EMCN: variants seen among roughly 807,000 people sequenced by gnomAD.
EMCN encodes the protein endomucin.
In EMCN, 37 loss-of-function variants were observed where a neutral mutation model predicts 38.4. The ratio of observed to expected loss-of-function variants is 0.96; its 90% CI spans 0.74 to 1.27. The LOEUF (loss-of-function observed/expected upper bound fraction) is 1.27. EMCN is among the 50% of genes most tolerant of loss of function. The probability of loss-of-function intolerance (pLI) is 0.00; values close to 1 mark genes in which losing one functional copy is unlikely to be tolerated. For synonymous variants in EMCN, 95 were observed against 100.8 expected, an observed-to-expected ratio of 0.94 and a Z score of 0.35; for missense variants, 318 against 302.8, an observed-to-expected ratio of 1.05 and a Z score of -0.37.
At chr4:100,413,329 G>A (rs1726617453) in intron 10 of EMCN, among the ~76,000 whole-genome samples, 1 of 151,698 alleles carries the variant, frequency 6.6e-6, no homozygotes, top group Non-Finnish European at 1.5e-5. Context: ...GAAAAATTGA[G>A]TTAAGCTTGT....
chr4:100,409,977 G>A (rs1175179260), intron 11 of EMCN, among the ~76,000 whole-genome samples: 2 of 152,236 alleles, frequency 1.3e-5, no homozygotes, highest in Admixed American at 6.5e-5. Context: ...CAGTTAGTGT[G>A]TGCTTACTGA....
chr4:100,415,043 G>A (rs1390072583), intron 10 of EMCN, among the ~76,000 whole-genome samples: 1 of 152,018 alleles, frequency 6.6e-6, no homozygotes, highest in Non-Finnish European at 1.5e-5. Flanking sequence ...TTACAGGCAT[G>A]CGCCACCATG....
intron 7 of EMCN, among the ~76,000 whole-genome samples, chr4:100,422,286 A>C (rs1726909774): frequency 6.6e-6 from 1 of 152,082 alleles, no homozygotes; most frequent in Admixed American, 6.6e-5. Context: ...ACCTTAGGTG[A>C]AATCATTATT....
intron 8 of EMCN, among the ~76,000 whole-genome samples, chr4:100,419,427 G>T (rs779356960): frequency 1.1e-4 from 17 of 152,116 alleles, no homozygotes; most frequent in Non-Finnish European, 2.5e-4. Context: ...TTGTACAATT[G>T]CCAAACTTGA....
intron 1 of EMCN, among the ~76,000 whole-genome samples, chr4:100,495,174 T>C (rs1336658188): frequency 6.6e-6 from 1 of 152,026 alleles, no homozygotes; most frequent in African/African-American, 2.4e-5. Flanking sequence ...TCAACATATT[T>C]TATATTAAAG....
rs548285071 is a variant in EMCN at position 100,497,566 on chromosome 4, C to T, written c.65-17527G>A. 1.4e-3 allele frequency among the ~76,000 whole-genome samples: 206 copies of T among 152,024 alleles called. 1 individual carries two copies. The highest frequency in any genetic ancestry group is 4.6e-3 in the African/African-American group (191 of 41,472). On this transcript the variant is annotated intron_variant, in intron 1 of 11. Transcript: ENST00000296420. ...TAATTTTTTTGTATTTTTAGTAAAG[C>T]CGGGTTTCACCGTGTTAGCCAGGAT... is the stretch of plus-strand genomic sequence containing the variant.
At chr4:100,406,315 G>T (rs1726391197) in intron 11 of EMCN, among the ~76,000 whole-genome samples, 1 of 151,472 alleles carries the variant, frequency 6.6e-6, no homozygotes, top group South Asian at 2.1e-4. Flanking sequence ...GTTCCTCTAG[G>T]TGTGATGTTA....
rs140694343 is a variant in EMCN, at chr4:100,405,650, A to T, written c.*39+4632T>A. On this transcript the variant is annotated intron_variant, in intron 11 of 11. Coordinates refer to ENST00000296420, the MANE Select transcript of EMCN (RefSeq NM_016242.4). ...CTAGTATTTTGTTGAGAACTTTTGC[A>T]TCTAGGTTCATCAGAGATATTGGCC... Among the ~76,000 whole-genome samples the T allele has an allele frequency of 2.6e-5, 4 of 152,200 alleles. No homozygotes were observed. The East Asian group carries it at 7.7e-4, about 29-fold the overall frequency.
intron 10 of EMCN, among the ~76,000 whole-genome samples, chr4:100,413,556 C>A (rs1187255621): frequency 2.6e-5 from 4 of 152,042 alleles, no homozygotes; most frequent in African/African-American, 7.2e-5. Context: ...GGGGAGCCAC[C>A]AAGTTCTGTT....
At chr4:100,497,083 G>A (rs1457393309) in intron 1 of EMCN, among the ~76,000 whole-genome samples, 1 of 151,538 alleles carries the variant, frequency 6.6e-6, no homozygotes, top group Non-Finnish European at 1.5e-5. Flanking sequence ...TTTAGGGACT[G>A]ATAATATAGG....
At chr4:100,421,053 A>G (rs1302258865) in intron 8 of EMCN, among the ~76,000 whole-genome samples, 1 of 152,008 alleles carries the variant, frequency 6.6e-6, no homozygotes, top group African/African-American at 2.4e-5. Flanking sequence ...TTTTATTAAA[A>G]AGAATTTCCC....
chr4:100,459,618 CTCTCTA>C (rs1202543689), intron 4 of EMCN, among the ~76,000 whole-genome samples: 1 of 152,108 alleles, frequency 6.6e-6, no homozygotes, highest in East Asian at 1.9e-4. Flanking sequence ...TACCATTCTA[CTCTCTA>C]TCTCTATGAG....
intron 8 of EMCN, among the ~76,000 whole-genome samples, chr4:100,419,129 A>G (rs189956935): frequency 5.9e-5 from 9 of 152,210 alleles, no homozygotes; most frequent in Admixed American, 1.3e-4. Flanking sequence ...TAGCAGATAG[A>G]TGCAAGCCAA....
chr4:100,474,230 A>G (rs1428826313), intron 3 of EMCN, among the ~76,000 whole-genome samples: 1 of 152,256 alleles, frequency 6.6e-6, no homozygotes, highest in Non-Finnish European at 1.5e-5. Context: ...TTTTCCAAGG[A>G]CAATACACAA....
At chr4:100,502,196 G>A (rs1386520971) in intron 1 of EMCN, among the ~76,000 whole-genome samples, 1 of 152,116 alleles carries the variant, frequency 6.6e-6, no homozygotes, top group Non-Finnish European at 1.5e-5. Flanking sequence ...CGAAGAGCCT[G>A]GCTGTCCCAC....
intron 1 of EMCN, among the ~76,000 whole-genome samples, chr4:100,483,953 C>T (rs1202230044): frequency 6.6e-6 from 1 of 152,070 alleles, no homozygotes; most frequent in Non-Finnish European, 1.5e-5. Flanking sequence ...AGCCTCATGA[C>T]TTTACTTGTG....
At chr4:100,435,287 A>C (rs951562723) in intron 5 of EMCN, among the ~76,000 whole-genome samples, 5 of 152,198 alleles carry the variant, frequency 3.3e-5, no homozygotes, top group Admixed American at 1.3e-4. Flanking sequence ...TGCTACAAAG[A>C]GAATAAAATA....
At chr4:100,506,820 G>C (rs75696544) in intron 1 of EMCN, among the ~76,000 whole-genome samples, 1 of 151,998 alleles carries the variant, frequency 6.6e-6, no homozygotes, top group Non-Finnish European at 1.5e-5. Flanking sequence ...ATTAAGTAAC[G>C]GTAAGCTAAT....
chr4:100,457,425 T>C (rs1435168801), intron 4 of EMCN, among the ~76,000 whole-genome samples: 1 of 152,204 alleles, frequency 6.6e-6, no homozygotes, highest in Non-Finnish European at 1.5e-5. Context: ...GACTATAAAG[T>C]TACTTGTGGA....
Sources: gnomAD v4.1 joint callset for allele counts (sites outside exome capture counted in the v4.1 genomes callset) on GRCh38, gnomAD v4.1.1 for gene constraint, MANE v1.5 for transcripts, NCBI Gene and HGNC (gene_info 2026-07-23, HGNC 2026-07-21) for gene names.